SEPTIN14: variants seen among roughly 807,000 people sequenced by gnomAD.
The protein encoded by SEPTIN14 is septin-14.
In SEPTIN14, 40 loss-of-function variants were observed where a neutral mutation model predicts 53.6. The observed-to-expected ratio is 0.75, with a 90% confidence interval of 0.58 to 0.97. The LOEUF (loss-of-function observed/expected upper bound fraction) is 0.97. Ranked by LOEUF, SEPTIN14 falls within the 50% of genes least tolerant of loss-of-function variation. The pLI, the probability that SEPTIN14 is intolerant of heterozygous loss-of-function variation, is 0.00. For synonymous variants in SEPTIN14, 138 were observed against 166.8 expected, an observed-to-expected ratio of 0.83 and a Z score of 1.33; for missense variants, 471 against 508.2, an observed-to-expected ratio of 0.93 and a Z score of 0.70.
chr7:55,843,182 CT>C, intron 4 of SEPTIN14, 54 bp from the exon 5 acceptor site: 1 of 1,137,660 alleles, frequency 8.8e-7, no homozygotes, highest in Non-Finnish European at 1.2e-6. Flanking sequence ...CTAAAGCCTG[CT>C]TTTTGACCAC....
At chr7:55,845,593 C>T (rs1206807394) in intron 3 of SEPTIN14, among the ~76,000 whole-genome samples, 1 of 152,106 alleles carries the variant, frequency 6.6e-6, no homozygotes, top group Non-Finnish European at 1.5e-5. Context: ...GTAATAGATA[C>T]ATTAATTCAC....
intron 2 of SEPTIN14, among the ~76,000 whole-genome samples, chr7:55,851,878 C>T (rs1789520922): frequency 1.3e-5 from 2 of 151,962 alleles, no homozygotes; most frequent in Non-Finnish European, 1.5e-5. Context: ...CGCAGTGGCT[C>T]ACGCCTGTAA....
intron 7 of SEPTIN14, among the ~76,000 whole-genome samples, chr7:55,815,188 G>A (rs1024102507): frequency 6.6e-6 from 1 of 151,940 alleles, no homozygotes; most frequent in Non-Finnish European, 1.5e-5. Context: ...ATTATGAAAC[G>A]ACTACAAAAA....
chr7:55,849,186 A>G (rs1584271971), intron 2 of SEPTIN14, among the ~76,000 whole-genome samples: 1 of 151,720 alleles, frequency 6.6e-6, no homozygotes, highest in East Asian at 2.0e-4. Flanking sequence ...TGAACCCGGC[A>G]TGGTGGCAGG....
chr7:55,850,057 T>C (rs1044938870), intron 2 of SEPTIN14, among the ~76,000 whole-genome samples: 3 of 152,242 alleles, frequency 2.0e-5, no homozygotes, highest in African/African-American at 7.2e-5. Flanking sequence ...GCCCTGCTGA[T>C]TTCACTATTG....
intron 2 of SEPTIN14, among the ~76,000 whole-genome samples, chr7:55,855,809 C>T (rs1176523668): frequency 6.6e-6 from 1 of 152,120 alleles, no homozygotes; most frequent in Non-Finnish European, 1.5e-5. Context: ...ACCTCGCCCT[C>T]CCAAAGTGCT....
At position 55,795,647 on chromosome 7, in the gene SEPTIN14, T is replaced by C. The variant is rs1788418859; in HGVS notation, c.*266A>G. The C allele has an allele frequency of 1.0e-5, 4 of 385,198 alleles. No homozygotes were observed. Among genetic ancestry groups the C allele is most frequent in the South Asian group, 7.4e-5 (3 of 40,788 alleles). 23.9% of individuals were successfully genotyped at this position (385,198 alleles called of 1,614,324 possible). On this transcript the variant is annotated 3_prime_UTR_variant, in exon 10 of 10. Transcript: ENST00000388975. Reference sequence around the variant, plus strand: ...CAAACCCAGCTAATTTTTGTATTTTTAGTAGAGGCAGGGTTTCATCATTTT... The same window carrying C: ...CAAACCCAGCTAATTTTTGTATTTTCAGTAGAGGCAGGGTTTCATCATTTT...
At chr7:55,857,460 G>A (rs112260093) in intron 2 of SEPTIN14, among the ~76,000 whole-genome samples, 93,583 of 117,346 alleles carry the variant, frequency 0.8, 37,708 homozygotes, top group East Asian at 0.96. Context: ...AAGGGAAGGG[G>A]AGGGGAGGGG....
In SEPTIN14 at chr7:55,793,556, C is replaced by T. The variant is rs1249659573; in HGVS notation, c.*2357G>A. On this transcript the variant is annotated 3_prime_UTR_variant, in exon 10 of 10. Transcript: ENST00000388975. ...TTATTGTAATTTTGGTTTGTAACTC[C>T]GCTTTTTATTTTCTACAGGATTTAA... 5.3e-5 allele frequency: 8 copies of T among 152,014 alleles called. No individual in the cohort carries two copies. The highest frequency in any genetic ancestry group is 1.9e-4 in the African/African-American group (8 of 41,430). 9.4% of individuals were successfully genotyped at this position (152,014 alleles called of 1,614,324 possible). A position where few individuals can be genotyped will look rare whatever the true frequency, so the allele number is the denominator to read the frequency against.
At chr7:55,845,634 T>C (rs1584270145) in intron 3 of SEPTIN14, among the ~76,000 whole-genome samples, 1 of 152,158 alleles carries the variant, frequency 6.6e-6, no homozygotes, top group East Asian at 1.9e-4. Context: ...TGTAAACATA[T>C]AGCAAAACCT....
At chr7:55,852,297 A>G (rs956232536) in intron 2 of SEPTIN14, among the ~76,000 whole-genome samples, 2 of 152,164 alleles carry the variant, frequency 1.3e-5, no homozygotes, top group Admixed American at 1.3e-4. Context: ...ATAATACAGA[A>G]CTACAATAAC....
chr7:55,846,959 A>G lies in SEPTIN14; in HGVS notation c.55-322T>C, dbSNP rs144476594. Among the ~76,000 whole-genome samples, 424 of 152,228 alleles carry G rather than the reference A, an allele frequency of 2.8e-3. 5 individuals carry two copies. The highest frequency in any genetic ancestry group is 0.01 in the Middle Eastern group (3 of 294). On this transcript the variant is annotated intron_variant, in intron 2 of 9. Coordinates refer to ENST00000388975, the MANE Select transcript of SEPTIN14 (RefSeq NM_207366.3). ...TCCCAGCACTTTGGGAGGCTGAGGC[A>G]GGCGGATCATGAGGTCAGGAGTTCG...
At chr7:55,836,925 G>A (rs966693981) in intron 5 of SEPTIN14, among the ~76,000 whole-genome samples, 15 of 151,868 alleles carry the variant, frequency 9.9e-5, no homozygotes, top group Admixed American at 2.6e-4. Flanking sequence ...GAGATTCCTC[G>A]GATAAAAGGA....
chr7:55,830,343 A>ATTTT (rs1454944685), intron 6 of SEPTIN14, among the ~76,000 whole-genome samples: 18 of 26,194 alleles, frequency 6.9e-4, no homozygotes, highest in East Asian at 5.8e-3. Flanking sequence ...ATATATATAT[A>ATTTT]TATATATTTT....
chr7:55,815,657 AC>A (rs1280784603), intron 7 of SEPTIN14, among the ~76,000 whole-genome samples: 4 of 152,160 alleles, frequency 2.6e-5, no homozygotes, highest in Non-Finnish European at 5.9e-5. Context: ...ATATAATCTC[AC>A]CCCAGTTAAA....
At chr7:55,823,888 C>CTT (rs34934744) in intron 6 of SEPTIN14, among the ~76,000 whole-genome samples, 4 of 134,364 alleles carry the variant, frequency 3.0e-5, no homozygotes, top group African/African-American at 2.8e-5. Context: ...AAGGTAAATT[C>CTT]TTTTTTTTTT....
At chr7:55,846,053 A>G (rs1789397400) in intron 3 of SEPTIN14, among the ~76,000 whole-genome samples, 1 of 117,962 alleles carries the variant, frequency 8.5e-6, no homozygotes, top group African/African-American at 3.2e-5. Flanking sequence ...CGTCTCAGAA[A>G]AAAAAAAAAA....
chr7:55,841,185 A>G (rs1406256812), intron 5 of SEPTIN14, among the ~76,000 whole-genome samples: 1 of 152,106 alleles, frequency 6.6e-6, no homozygotes, highest in Admixed American at 6.6e-5. Context: ...ACGGGATTAC[A>G]GGCGTGAGCC....
At chr7:55,820,350 T>C (rs1788870630) in intron 6 of SEPTIN14, among the ~76,000 whole-genome samples, 1 of 152,226 alleles carries the variant, frequency 6.6e-6, no homozygotes, top group Non-Finnish European at 1.5e-5. Context: ...TTCAGAAATC[T>C]ATTAGTGTTT....
Sources: allele counts gnomAD v4.1 joint callset (sites outside exome capture counted in the v4.1 genomes callset), GRCh38; gene constraint gnomAD v4.1.1; transcripts MANE v1.5; gene names NCBI Gene and HGNC (gene_info 2026-07-23, HGNC 2026-07-21).